The following ADGRE2 variants were observed in gnomAD, a reference collection of about 807,000 sequenced individuals.
ADGRE2 encodes the protein CD97 antigen.
A neutral mutation model predicts 100.8 loss-of-function variants in ADGRE2; 83 were observed. The ratio of observed to expected loss-of-function variants is 0.82; its 90% CI spans 0.69 to 0.99. The LOEUF (loss-of-function observed/expected upper bound fraction) is 0.99. Ranked by LOEUF, ADGRE2 falls within the 50% of genes least tolerant of loss-of-function variation. The pLI, the probability that ADGRE2 is intolerant of heterozygous loss-of-function variation, is 0.00. For synonymous variants in ADGRE2, 355 were observed against 413.0 expected (o/e 0.86, Z 1.70); for missense variants, 814 against 1,035.7 (o/e 0.79, Z 2.94).
intron 2 of ADGRE2, among the ~76,000 whole-genome samples, chr19:14,775,461 G>C (rs2044400472): frequency 6.6e-6 from 1 of 152,110 alleles, no homozygotes; most frequent in South Asian, 2.1e-4. Context: ...AGTAGGAAAG[G>C]GCCATGAGCC....
intron 2 of ADGRE2, among the ~76,000 whole-genome samples, chr19:14,775,531 G>A (rs1221573270): frequency 1.3e-5 from 2 of 151,940 alleles, no homozygotes; most frequent in African/African-American, 4.8e-5. Context: ...TGGTGTGCCT[G>A]AGCATTTACT....
Position 14,778,392 on chromosome 19 carries a change from G to A in ADGRE2, c.-307C>T, listed in dbSNP as rs1202649560. On this transcript the variant is annotated 5_prime_UTR_variant, in exon 1 of 21. Transcript: ENST00000315576. ...CCACTGCACTCCAGCTTGGGTGATA[G>A]AGTGAGACCCTGTGTCAAAAACAAA... The A allele has an allele frequency of 7.2e-6, 4 of 553,554 alleles. No individual in the cohort carries two copies. The highest frequency in any genetic ancestry group is 6.1e-5 in the African/African-American group (3 of 49,048). 34.3% of individuals were successfully genotyped at this position (553,554 alleles called of 1,614,324 possible).
intron 5 of ADGRE2, among the ~76,000 whole-genome samples, chr19:14,770,116 C>G (rs1224089530): frequency 6.6e-6 from 1 of 152,090 alleles, no homozygotes; most frequent in Non-Finnish European, 1.5e-5. Context: ...GAAATGTGAT[C>G]CCCAGTGTTG....
At chr19:14,776,976 G>GCGCACGCACA (rs71166800) in intron 1 of ADGRE2, 49 bp from the exon 2 acceptor site, 2 of 1,026,112 alleles carry the variant, frequency 1.9e-6, no homozygotes, top group African/African-American at 1.8e-5. Context: ...CAGGGGCGCT[G>GCGCACGCACA]CACACACACA....
At position 14,752,331 on chromosome 19, in the gene ADGRE2, T is replaced by C. The variant is rs903730021; in HGVS notation, c.1786A>G (p.Lys596Glu). ...FLVAIDQTGH[K>E]VLCSIIAGTL... ...CTCTGGAACACCGCTGTCAATACCT[T>C]GTGTCCGGTTTGATCAATTGCCACG... Residue 596 changes from lysine (K) to glutamate (E), a missense_variant and splice_region_variant, in exon 15 of 21, where the codon AAG becomes GAG. By Grantham distance (56) the Lys-to-Glu change is moderately conservative (BLOSUM62 1). Transcript: ENST00000315576. The C allele has an allele frequency of 1.2e-6, 2 of 1,614,084 alleles. No individual in the cohort carries two copies. Among genetic ancestry groups the C allele is most frequent in the African/African-American group, 2.7e-5 (2 of 75,026 alleles).
chr19:14,759,791 G>A (rs997491979), intron 11 of ADGRE2, among the ~76,000 whole-genome samples: 1 of 144,340 alleles, frequency 6.9e-6, no homozygotes, highest in Non-Finnish European at 1.5e-5. Context: ...CACCAAGCCA[G>A]CCACCTCTCC....
intron 5 of ADGRE2, among the ~76,000 whole-genome samples, chr19:14,767,596 G>A (rs560325047): frequency 9.9e-4 from 151 of 152,208 alleles, no homozygotes; most frequent in Middle Eastern, 3.4e-3. Flanking sequence ...GGTGGCCCAG[G>A]CCTTCTGTTG....
intron 20 of ADGRE2, among the ~76,000 whole-genome samples, chr19:14,737,566 T>C (rs2042793707): frequency 6.6e-6 from 1 of 152,168 alleles, no homozygotes; most frequent in African/African-American, 2.4e-5. Flanking sequence ...CCATATCAGC[T>C]TTCATTTTGC....
intron 11 of ADGRE2, among the ~76,000 whole-genome samples, chr19:14,757,483 C>T (rs895240420): frequency 1.3e-5 from 2 of 152,142 alleles, no homozygotes; most frequent in South Asian, 4.1e-4. Context: ...AAACTTACTA[C>T]AAACTGACAG....
chr19:14,746,780 C>G, intron 17 of ADGRE2, 116 bp downstream of exon 17: 2 of 963,428 alleles, frequency 2.1e-6, no homozygotes, highest in Non-Finnish European at 3.2e-6. Flanking sequence ...CTTAGGAAAC[C>G]TAACCCAACC....
intron 11 of ADGRE2, among the ~76,000 whole-genome samples, chr19:14,764,149 A>G (rs1048058739): frequency 6.6e-6 from 1 of 151,776 alleles, no homozygotes; most frequent in Admixed American, 6.6e-5. Flanking sequence ...TGCAGACTCA[A>G]CCTCCTGGGC....
At chr19:14,753,072 A>T (rs946917261) in intron 14 of ADGRE2, among the ~76,000 whole-genome samples, 14 of 149,998 alleles carry the variant, frequency 9.3e-5, no homozygotes, top group Middle Eastern at 6.8e-3. Flanking sequence ...ACCCGTCCTA[A>T]TTTTTTTTTT....
In ADGRE2 at chr19:14,759,405, C is replaced by A. The variant is rs114406902; in HGVS notation, c.1085-3060G>T. ...CCCTTGCTAACTGCCTAAATAATTT[C>A]TTTTTCACTCCTGTATCACTGGGAT... On this transcript the variant is annotated intron_variant, in intron 11 of 20. Transcript: ENST00000315576. 6.2e-3 allele frequency among the ~76,000 whole-genome samples: 946 copies of A among 151,708 alleles called. 9 individuals are homozygous for A. The highest frequency in any genetic ancestry group is 0.021 in the African/African-American group (887 of 41,256).
chr19:14,735,949 A>G lies in ADGRE2; in HGVS notation c.*287T>C. On this transcript the variant is annotated 3_prime_UTR_variant, in exon 21 of 21. Coordinates refer to ENST00000315576, the MANE Select transcript of ADGRE2 (RefSeq NM_013447.4). Reference sequence around the variant, plus strand: ...AGGAGAGGCTGTGAAAGAGGTCTTAACGTTCTATAGCTTCATAAATATTGT... The same window carrying G: ...AGGAGAGGCTGTGAAAGAGGTCTTAGCGTTCTATAGCTTCATAAATATTGT... 3.6e-6 allele frequency: 1 copy of G among 278,410 alleles called. No individual in the cohort carries two copies. The highest frequency in any genetic ancestry group is 6.9e-6 in the Non-Finnish European group (1 of 145,554). The allele number at this position is 278,410 out of a possible 1,614,324, so 17.2% of individuals were successfully genotyped here.
At chr19:14,747,491 C>A (rs114567838) in intron 16 of ADGRE2, among the ~76,000 whole-genome samples, 3 of 151,816 alleles carry the variant, frequency 2.0e-5, no homozygotes, top group Non-Finnish European at 4.4e-5. Context: ...CAGAGCAAGA[C>A]CTATATTGCA....
chr19:14,773,099 C>CAAAAAAAAAAAAAAAA (rs1231448957), intron 4 of ADGRE2, among the ~76,000 whole-genome samples: 17 of 72,090 alleles, frequency 2.4e-4, no homozygotes, highest in South Asian at 4.4e-4. Flanking sequence ...AAAAAAAAAA[C>CAAAAAAAAAAAAAAAA]AAAAAAAAAA....
intron 16 of ADGRE2, among the ~76,000 whole-genome samples, chr19:14,750,255 C>T (rs867075870): frequency 1.4e-5 from 1 of 73,886 alleles, no homozygotes; most frequent in African/African-American, 4.8e-5. Context: ...ATAAAATAAT[C>T]TAATATAATT....
chr19:14,775,975 C>T (rs1176643042), intron 2 of ADGRE2, among the ~76,000 whole-genome samples: 6 of 152,072 alleles, frequency 3.9e-5, no homozygotes, highest in Non-Finnish European at 8.8e-5. Flanking sequence ...CCAGCCCTGG[C>T]GGCCCATCCT....
intron 4 of ADGRE2, among the ~76,000 whole-genome samples, chr19:14,773,623 C>T (rs775927256): frequency 6.6e-5 from 10 of 151,958 alleles, no homozygotes; most frequent in Non-Finnish European, 1.2e-4. Flanking sequence ...ACAATCCTCC[C>T]GCCTCAGTCT....
Sources: gnomAD v4.1 joint callset for allele counts (sites outside exome capture counted in the v4.1 genomes callset) on GRCh38, gnomAD v4.1.1 for gene constraint, MANE v1.5 for transcripts, NCBI Gene and HGNC (gene_info 2026-07-23, HGNC 2026-07-21) for gene names.